NTAQ1: variants seen among roughly 807,000 people sequenced by gnomAD.
NTAQ1 encodes the protein N-terminal glutamine amidase 1, also known as protein N-terminal glutamine amidohydrolase.
Under a neutral mutation model 28.2 loss-of-function variants are expected in NTAQ1, and 21 were observed. That is an observed-to-expected ratio of 0.74 (90% CI 0.53 to 1.07). NTAQ1 has a LOEUF of 1.07. NTAQ1 is among the 50% of genes least tolerant of loss of function. NTAQ1 has a pLI of 0.00. For synonymous variants in NTAQ1, 105 were observed against 90.0 expected, an observed-to-expected ratio of 1.17 and a Z score of -0.94; for missense variants, 264 against 256.6, an observed-to-expected ratio of 1.03 and a Z score of -0.20.
chr8:123,428,117 G>A lies in NTAQ1; in HGVS notation c.183+94G>A, dbSNP rs1383592783. 4 of 854,800 alleles carry A rather than the reference G, an allele frequency of 4.7e-6. No individual in the cohort carries two copies. In the South Asian group the frequency reaches 5.2e-5, roughly 11 times the overall value. 53.0% of individuals were successfully genotyped at this position (854,800 alleles called of 1,614,324 possible). A position where few individuals can be genotyped will look rare whatever the true frequency, so the allele number is the denominator to read the frequency against. On this transcript the variant is annotated intron_variant, in intron 2 of 5. Coordinates refer to ENST00000287387, the MANE Select transcript of NTAQ1 (RefSeq NM_018024.3). ...AAAAAAAGCTAAATATAGCATGGGT[G>A]TAGTACTCTTCTGAAGTGTGCTTTA...
At chr8:123,452,925 A>C (rs746311604), downstream of NTAQ1, among the ~76,000 whole-genome samples, 1 of 152,104 alleles carries the variant, frequency 6.6e-6, no homozygotes, top group Non-Finnish European at 1.5e-5. Flanking sequence ...CAAAAAACAA[A>C]ATTGCATCCA....
At chr8:123,462,531 A>T (rs1358594820) in intron 6 of NTAQ1, among the ~76,000 whole-genome samples, 1 of 152,182 alleles carries the variant, frequency 6.6e-6, no homozygotes, top group Admixed American at 6.5e-5. Flanking sequence ...GGAGATGATA[A>T]TAATTGATTA....
chr8:123,436,156 TAA>T (rs1217586029), intron 3 of NTAQ1, among the ~76,000 whole-genome samples: 6 of 110,242 alleles, frequency 5.4e-5, no homozygotes, highest in Admixed American at 1.2e-4. Context: ...GTGACGAGAG[TAA>T]GACTCCATCT....
downstream of NTAQ1, among the ~76,000 whole-genome samples, chr8:123,445,816 G>A (rs1476134062): frequency 6.6e-6 from 1 of 151,802 alleles, no homozygotes; most frequent in East Asian, 1.9e-4. Context: ...ATGTTGGCCA[G>A]GCTGGTCTCG....
At chr8:123,445,033 G>A (rs1332033006), downstream of NTAQ1, among the ~76,000 whole-genome samples, 1 of 152,062 alleles carries the variant, frequency 6.6e-6, no homozygotes, top group Non-Finnish European at 1.5e-5. Flanking sequence ...CTTTTTGTGT[G>A]TTTTTCTTGG....
intron 1 of NTAQ1, among the ~76,000 whole-genome samples, chr8:123,419,069 G>A (rs763865902): frequency 1.4e-5 from 2 of 144,358 alleles, no homozygotes; most frequent in African/African-American, 2.6e-5. Context: ...TTTGGCTCCT[G>A]CAGCTTTGGG....
At chr8:123,452,747 C>CA (rs11343352), downstream of NTAQ1, among the ~76,000 whole-genome samples, 2,068 of 145,920 alleles carry the variant, frequency 0.014, 21 homozygotes, top group Non-Finnish European at 0.021. Flanking sequence ...ACTAAAAATA[C>CA]AAAAAAAAAA....
rs1464422705 is a variant in NTAQ1, at chr8:123,436,476, T to C, written c.258T>C (p.His86=). 5 of 1,612,758 alleles carry C rather than the reference T, an allele frequency of 3.1e-6. No homozygotes were observed. Among genetic ancestry groups the C allele is most frequent in the South Asian group, 1.1e-5 (1 of 90,580 alleles). ...AGGATTACCATGTTGTTTTGCTTCA[T>C]GTTTCAAGTGGAGGACAGAACTTCA... ...VIWDYHVVLL[H]VSSGGQNFIY... Residue 86 remains histidine (H), a synonymous_variant, in exon 4 of 6, where the codon CAT becomes CAC. Transcript: ENST00000287387.
intron 6 of NTAQ1, among the ~76,000 whole-genome samples, chr8:123,461,774 C>CAAGAGGAAGTATGTGAGGGG (rs1351300737): frequency 6.6e-6 from 1 of 152,056 alleles, no homozygotes; most frequent in Non-Finnish European, 1.5e-5. Context: ...GGAGATAGAG[C>CAAGAGGAAGTATGTGAGGGG]AAGAGGAAGT....
chr8:123,444,843 C>T (rs1354055896), downstream of NTAQ1, among the ~76,000 whole-genome samples: 1 of 152,128 alleles, frequency 6.6e-6, no homozygotes, highest in Non-Finnish European at 1.5e-5. Flanking sequence ...ATGAAAGCAA[C>T]AGAAACAGAG....
downstream of NTAQ1, among the ~76,000 whole-genome samples, chr8:123,443,670 G>T (rs1815163936): frequency 6.6e-6 from 1 of 152,078 alleles, no homozygotes; most frequent in Non-Finnish European, 1.5e-5. Flanking sequence ...CACCTCCCAG[G>T]CTCAAGCGAT....
At chr8:123,470,956 T>C (rs1480210353), downstream of NTAQ1, among the ~76,000 whole-genome samples, 1 of 151,716 alleles carries the variant, frequency 6.6e-6, no homozygotes, top group Non-Finnish European at 1.5e-5. Flanking sequence ...GATAGCACGC[T>C]GTTGCTCAGG....
At chr8:123,452,917 AAAAAC>A (rs1248019242), downstream of NTAQ1, among the ~76,000 whole-genome samples, 2 of 152,084 alleles carry the variant, frequency 1.3e-5, no homozygotes, top group South Asian at 4.1e-4. Context: ...AAACAAAACA[AAAAAC>A]AAAATTGCAT....
intron 1 of NTAQ1, among the ~76,000 whole-genome samples, chr8:123,421,870 T>G (rs1813716667): frequency 6.6e-6 from 1 of 151,864 alleles, no homozygotes; most frequent in Non-Finnish European, 1.5e-5. Flanking sequence ...TTGTATTTTT[T>G]TTTAGTAGAG....
chr8:123,468,314 C>T (rs193249634), exon 7 of NTAQ1, among the ~76,000 whole-genome samples: 49 of 152,292 alleles, frequency 3.2e-4, no homozygotes, highest in African/African-American at 1.1e-3. Context: ...CCACAGATCT[C>T]CAGAAGTTTT....
chr8:123,464,121 T>G (rs550782880), intron 6 of NTAQ1, among the ~76,000 whole-genome samples: 1 of 152,294 alleles, frequency 6.6e-6, no homozygotes, highest in African/African-American at 2.4e-5. Context: ...ACCTCTTTCC[T>G]TTATAAATTA....
At chr8:123,435,518 T>C (rs1814649964) in intron 3 of NTAQ1, 2 of 985,396 alleles carry the variant, frequency 2.0e-6, no homozygotes, top group Non-Finnish European at 2.4e-6. Flanking sequence ...TTCACATGCA[T>C]GCAAATGTAC....
At chr8:123,427,179 C>T (rs1814108242) in intron 1 of NTAQ1, among the ~76,000 whole-genome samples, 1 of 146,820 alleles carries the variant, frequency 6.8e-6, no homozygotes, top group Non-Finnish European at 1.5e-5. Flanking sequence ...TGTGTGTTTA[C>T]AGTATATGAT....
downstream of NTAQ1, among the ~76,000 whole-genome samples, chr8:123,450,817 G>A (rs564734771): frequency 7.9e-5 from 12 of 152,310 alleles, no homozygotes; most frequent in South Asian, 2.5e-3. Context: ...TCTTCACAAA[G>A]CAGCCAAAGT....
Sources: allele counts gnomAD v4.1 joint callset (sites outside exome capture counted in the v4.1 genomes callset), GRCh38; gene constraint gnomAD v4.1.1; transcripts MANE v1.5; gene names NCBI Gene and HGNC (gene_info 2026-07-23, HGNC 2026-07-21).